The following NYAP2 variants were observed in gnomAD, a reference collection of about 807,000 sequenced individuals.
NYAP2 encodes the protein neuronal tyrosine-phosphorylated phosphoinositide-3-kinase adapter 2.
NYAP2 carries 23 observed loss-of-function variants against 50.4 expected under a neutral mutation model. That is an observed-to-expected ratio of 0.46 (90% CI 0.33 to 0.65). The LOEUF (loss-of-function observed/expected upper bound fraction) is 0.65, where lower values mean the gene tolerates loss of function less well. Ranked by LOEUF, NYAP2 falls within the 30% of genes least tolerant of loss-of-function variation. The probability of loss-of-function intolerance (pLI) is 0.02; values close to 1 mark genes in which losing one functional copy is unlikely to be tolerated. For synonymous variants in NYAP2, 394 were observed against 365.2 expected (o/e 1.08, Z -0.90); for missense variants, 885 against 861.0 (o/e 1.03, Z -0.35).
exon 7 of NYAP2, chr2:225,651,811 A>C: frequency 6.5e-6 from 3 of 463,824 alleles, no homozygotes; most frequent in Non-Finnish European, 1.1e-5. Context: ...TGTAATATAA[A>C]TGTAGTAAAC....
chr2:225,588,355 A>G (rs1443800171), intron 5 of NYAP2, among the ~76,000 whole-genome samples: 1 of 152,086 alleles, frequency 6.6e-6, no homozygotes, highest in Non-Finnish European at 1.5e-5. Flanking sequence ...TCTTAGAAAA[A>G]AAAAAATCCA....
the NYAP2 span, among the ~76,000 whole-genome samples, chr2:225,687,659 G>A: frequency 6.6e-6 from 1 of 152,140 alleles, no homozygotes; most frequent in Non-Finnish European, 1.5e-5. Context: ...GCACATATGT[G>A]TAAATATGCA....
chr2:225,659,182 G>A, the NYAP2 span, among the ~76,000 whole-genome samples: 1 of 152,218 alleles, frequency 6.6e-6, no homozygotes, highest in African/African-American at 2.4e-5. Context: ...TAACTCTGCT[G>A]TCGCTGGTAC....
chr2:225,495,866 C>A (rs1690495561), intron 3 of NYAP2, among the ~76,000 whole-genome samples: 1 of 152,182 alleles, frequency 6.6e-6, no homozygotes, highest in Non-Finnish European at 1.5e-5. Context: ...GATGAGAAGA[C>A]CGCAGACCAA....
At chr2:225,655,929 T>TACACACAC (rs1693817634), downstream of NYAP2, among the ~76,000 whole-genome samples, 3 of 62,266 alleles carry the variant, frequency 4.8e-5, 1 homozygote, top group South Asian at 1.9e-3. Flanking sequence ...CACACACACA[T>TACACACAC]ACACACATAC....
the NYAP2 span, among the ~76,000 whole-genome samples, chr2:225,668,361 A>C: frequency 7.2e-5 from 11 of 152,142 alleles, no homozygotes; most frequent in African/African-American, 2.7e-4. Context: ...TGATGTTTGA[A>C]CACAACATCA....
chr2:225,400,817 G>A (rs986255716), exon 2 of NYAP2: 2 of 152,540 alleles, frequency 1.3e-5, no homozygotes, highest in South Asian at 2.1e-4. Flanking sequence ...GAAGGACATC[G>A]AGAATGCTCT....
chr2:225,522,075 G>A (rs6724190), intron 4 of NYAP2, among the ~76,000 whole-genome samples: 32,827 of 151,984 alleles, frequency 0.22, 3,534 homozygotes, highest in Middle Eastern at 0.23. Context: ...GGTGTTTGTA[G>A]TATTCTCTGA....
chr2:225,556,412 C>A (rs1691776804), intron 4 of NYAP2, among the ~76,000 whole-genome samples: 1 of 152,122 alleles, frequency 6.6e-6, no homozygotes, highest in Admixed American at 6.6e-5. Context: ...ATACAAATTT[C>A]ATTATTGTTC....
chr2:225,629,649 T>A (rs1693275173), intron 6 of NYAP2, among the ~76,000 whole-genome samples: 1 of 152,144 alleles, frequency 6.6e-6, no homozygotes, highest in Admixed American at 6.5e-5. Flanking sequence ...AGGTTGGGGC[T>A]TCTGTGCTGG....
At chr2:225,620,548 T>G (rs12468481) in intron 5 of NYAP2, among the ~76,000 whole-genome samples, 1 of 152,036 alleles carries the variant, frequency 6.6e-6, no homozygotes, top group Admixed American at 6.6e-5. Flanking sequence ...AAATTCTCCA[T>G]AATACATTTA....
chr2:225,477,211 AGGTCTGAGAGTCTCTATTTCTTTTT>A (rs1207879689), intron 3 of NYAP2, among the ~76,000 whole-genome samples: 6 of 143,378 alleles, frequency 4.2e-5, no homozygotes, highest in Admixed American at 1.4e-4. Context: ...CTGATTTAGC[AGGTCTGAGAGTCTCTATTTCTTTTT>A]TTTTTTTTTT....
intron 4 of NYAP2, among the ~76,000 whole-genome samples, chr2:225,552,271 C>T (rs537988745): frequency 6.6e-6 from 1 of 152,286 alleles, no homozygotes; most frequent in South Asian, 2.1e-4. Flanking sequence ...TGATACTTGC[C>T]ACTTGAACAC....
chr2:225,478,389 T>G (rs1690153011), intron 3 of NYAP2, among the ~76,000 whole-genome samples: 1 of 152,192 alleles, frequency 6.6e-6, no homozygotes, highest in Non-Finnish European at 1.5e-5. Context: ...AGATGTTAAC[T>G]CTGTTTATGA....
intron 2 of NYAP2, among the ~76,000 whole-genome samples, chr2:225,402,867 T>C (rs1205038607): frequency 6.6e-6 from 1 of 151,744 alleles, no homozygotes; most frequent in Non-Finnish European, 1.5e-5. Context: ...ATTATAAGAT[T>C]TTATCAGAAA....
chr2:225,426,151 T>TAA (rs1175015453), intron 3 of NYAP2, among the ~76,000 whole-genome samples: 90 of 126,972 alleles, frequency 7.1e-4, no homozygotes, highest in African/African-American at 2.5e-3. Flanking sequence ...TTTTTTTTTT[T>TAA]AAAAATTCTA....
chr2:225,499,038 A>G (rs1346753411), intron 3 of NYAP2, among the ~76,000 whole-genome samples: 3 of 151,806 alleles, frequency 2.0e-5, no homozygotes, highest in Non-Finnish European at 4.4e-5. Flanking sequence ...TTAAAAATTG[A>G]TATTTGTCAA....
chr2:225,500,051 G>A (rs1690578306), intron 3 of NYAP2, among the ~76,000 whole-genome samples: 1 of 152,208 alleles, frequency 6.6e-6, no homozygotes, highest in African/African-American at 2.4e-5. Context: ...AAATTGTTAA[G>A]AGATATTGAG....
Position 225,512,903 on chromosome 2 carries a change from TTTCC to T in NYAP2, c.222-465_222-462del, listed in dbSNP as rs1690858541. Among the ~76,000 whole-genome samples the T allele has an allele frequency of 4.0e-5, 6 of 149,312 alleles. No individual in the cohort carries two copies. In the South Asian group the frequency reaches 1.3e-3, roughly 32 times the overall value. On this transcript the variant is annotated intron_variant, in intron 3 of 6. Transcript: ENST00000636099. ...TTCCTTCCTTCCTTCCTTCCTTTCCTTTCCTTTCTTTTTCTTTCTTTCTTTCGTA... is the reference window on the plus strand; with the variant it reads ...TTCCTTCCTTCCTTCCTTCCTTTCCTTTTCTTTTTCTTTCTTTCTTTCGTA...
Sources: allele counts gnomAD v4.1 joint callset (sites outside exome capture counted in the v4.1 genomes callset), GRCh38; gene constraint gnomAD v4.1.1; transcripts MANE v1.5; gene names NCBI Gene and HGNC (gene_info 2026-07-23, HGNC 2026-07-21).